GRID1: variants seen among roughly 807,000 people sequenced by gnomAD.
GRID1 encodes the protein glutamate receptor ionotropic, delta-1.
Under a neutral mutation model 98.0 loss-of-function variants are expected in GRID1, and 28 were observed. The observed-to-expected ratio is 0.29, with a 90% CI of 0.21 to 0.39. The LOEUF (loss-of-function observed/expected upper bound fraction) is 0.39. Among genes scored for constraint, GRID1 ranks in the 10% least tolerant of loss-of-function variants. The probability of loss-of-function intolerance (pLI) is 1.00; values close to 1 mark genes in which losing one functional copy is unlikely to be tolerated. For synonymous variants in GRID1, 553 were observed against 538.5 expected (o/e 1.03, Z -0.37); for missense variants, 1,111 against 1,340.5 (o/e 0.83, Z 2.67).
chr10:85,885,894 C>A (rs889537933), intron 5 of GRID1, among the ~76,000 whole-genome samples: 1 of 152,204 alleles, frequency 6.6e-6, no homozygotes, highest in Admixed American at 6.5e-5. Flanking sequence ...TGAGGACACA[C>A]CCAGCTTCAG....
intron 4 of GRID1, among the ~76,000 whole-genome samples, chr10:86,098,680 T>G (rs1409288475): frequency 6.6e-6 from 1 of 152,230 alleles, no homozygotes; most frequent in African/African-American, 2.4e-5. Flanking sequence ...TCCCCAGCAC[T>G]GCATGTTCTT....
chr10:86,049,894 T>C (rs1564659601), intron 4 of GRID1, among the ~76,000 whole-genome samples: 1 of 152,218 alleles, frequency 6.6e-6, no homozygotes, highest in Non-Finnish European at 1.5e-5. Context: ...TGTTGCCCCT[T>C]CCACAGCTGG....
intron 15 of GRID1, among the ~76,000 whole-genome samples, chr10:85,612,198 C>T (rs1842740270): frequency 6.6e-6 from 1 of 152,156 alleles, no homozygotes; most frequent in Non-Finnish European, 1.5e-5. Flanking sequence ...CAGGAATGCC[C>T]TTATGGACCA....
At chr10:85,705,378 G>A (rs925181891) in intron 12 of GRID1, among the ~76,000 whole-genome samples, 6 of 152,106 alleles carry the variant, frequency 3.9e-5, no homozygotes, top group African/African-American at 1.2e-4. Flanking sequence ...TAAATTCCTC[G>A]AAACATACAC....
At chr10:85,816,277 A>G (rs973805850) in intron 8 of GRID1, among the ~76,000 whole-genome samples, 1 of 152,222 alleles carries the variant, frequency 6.6e-6, no homozygotes, top group Admixed American at 6.5e-5. Flanking sequence ...AATAATCAAG[A>G]TGTCCTTCAA....
intron 4 of GRID1, among the ~76,000 whole-genome samples, chr10:86,098,940 T>C (rs991550655): frequency 1.3e-5 from 2 of 152,210 alleles, no homozygotes; most frequent in Admixed American, 6.5e-5. Flanking sequence ...CCACTTGAAA[T>C]AATATTAGTA....
At chr10:85,736,534 A>G (rs12252773) in intron 8 of GRID1, among the ~76,000 whole-genome samples, 3,789 of 152,260 alleles carry the variant, frequency 0.025, 149 homozygotes, top group African/African-American at 0.087. Context: ...CTATGTTCTC[A>G]TCAACCAGTG....
chr10:85,883,232 A>C (rs1841060982), intron 5 of GRID1, among the ~76,000 whole-genome samples: 1 of 152,112 alleles, frequency 6.6e-6, no homozygotes, highest in Non-Finnish European at 1.5e-5. Context: ...TTTTAACTTC[A>C]ACTGTTAGAT....
intron 4 of GRID1, among the ~76,000 whole-genome samples, chr10:85,986,050 AC>A (rs1327718121): frequency 2.0e-5 from 3 of 152,260 alleles, no homozygotes; most frequent in African/African-American, 7.2e-5. Context: ...CACAATGTCT[AC>A]TGCATTCAAG....
intron 8 of GRID1, among the ~76,000 whole-genome samples, chr10:85,767,049 G>A (rs1842204970): frequency 6.6e-6 from 1 of 151,978 alleles, no homozygotes; most frequent in East Asian, 1.9e-4. Context: ...GTCTGTCATT[G>A]TCAAATTCCA....
chr10:86,169,308 G>T (rs1256977208), intron 3 of GRID1, among the ~76,000 whole-genome samples: 1 of 152,208 alleles, frequency 6.6e-6, no homozygotes, highest in Non-Finnish European at 1.5e-5. Context: ...AGCCCCAGGG[G>T]CAGTGGTATG....
At chr10:86,256,303 A>G (rs938990279) in intron 2 of GRID1, among the ~76,000 whole-genome samples, 1 of 152,194 alleles carries the variant, frequency 6.6e-6, no homozygotes, top group Non-Finnish European at 1.5e-5. Context: ...GAATTTGCTA[A>G]GATGATATCA....
intron 2 of GRID1, among the ~76,000 whole-genome samples, chr10:86,224,333 C>A (rs1846307302): frequency 6.6e-6 from 1 of 152,188 alleles, no homozygotes; most frequent in Admixed American, 6.5e-5. Flanking sequence ...CCTCCTCCCC[C>A]AGTACATTCT....
intron 13 of GRID1, among the ~76,000 whole-genome samples, chr10:85,634,911 A>T (rs1843017965): frequency 2.0e-5 from 3 of 150,590 alleles, no homozygotes; most frequent in South Asian, 4.3e-4. Context: ...GAACAAACAG[A>T]ATGGAATCAG....
intron 2 of GRID1, among the ~76,000 whole-genome samples, chr10:86,271,891 A>T (rs553815535): frequency 3.9e-5 from 6 of 152,334 alleles, no homozygotes; most frequent in African/African-American, 1.2e-4. Flanking sequence ...AAAAATTTCA[A>T]ATTTGACAAA....
chr10:86,030,156 A>G (rs183163731), intron 4 of GRID1, among the ~76,000 whole-genome samples: 93 of 152,352 alleles, frequency 6.1e-4, no homozygotes, highest in African/African-American at 2.2e-3. Context: ...TTTTGGTAGT[A>G]TATCACACCC....
intron 12 of GRID1, among the ~76,000 whole-genome samples, chr10:85,703,405 A>G (rs1389757412): frequency 6.6e-6 from 1 of 152,114 alleles, no homozygotes; most frequent in African/African-American, 2.4e-5. Flanking sequence ...TGGATGGGAA[A>G]AAATAAAAGA....
At chr10:85,772,355 C>T (rs1056482418) in intron 8 of GRID1, among the ~76,000 whole-genome samples, 1 of 151,548 alleles carries the variant, frequency 6.6e-6, no homozygotes, top group African/African-American at 2.4e-5. Context: ...CACTAAATGC[C>T]CACAAGAGAA....
chr10:85,833,323 C>A (rs560724853), intron 8 of GRID1, among the ~76,000 whole-genome samples: 2 of 152,206 alleles, frequency 1.3e-5, no homozygotes, highest in East Asian at 3.9e-4. Context: ...CCAGGCGGCC[C>A]AGCCTGGAAA....
Sources: gnomAD v4.1 joint callset for allele counts (sites outside exome capture counted in the v4.1 genomes callset) on GRCh38, gnomAD v4.1.1 for gene constraint, MANE v1.5 for transcripts, NCBI Gene and HGNC (gene_info 2026-07-23, HGNC 2026-07-21) for gene names.